Variants in DLGAP1 observed in about 807,000 individuals in gnomAD.
DLGAP1 encodes disks large-associated protein 1.
Under a neutral mutation model 90.8 loss-of-function variants are expected in DLGAP1, and 11 were observed. The ratio of observed to expected loss-of-function variants is 0.12; its 90% CI spans 0.08 to 0.20. DLGAP1 has a LOEUF of 0.20. Among genes scored for constraint, DLGAP1 ranks in the 10% least tolerant of loss-of-function variants. The pLI is 1.00. For missense variants in DLGAP1, 1,050 were observed against 1,333.8 expected (o/e 0.79, Z 3.31); for synonymous variants, 558 against 540.7 (o/e 1.03, Z -0.44).
intron 9 of DLGAP1, among the ~76,000 whole-genome samples, chr18:3,536,240 CT>C (rs2052371768): frequency 1.7e-5 from 1 of 58,012 alleles, no homozygotes; most frequent in African/African-American, 7.6e-5. Flanking sequence ...TTTTTTTTTT[CT>C]GAGACAGAGT....
At chr18:4,188,335 G>C (rs1380432616) in intron 1 of DLGAP1, among the ~76,000 whole-genome samples, 1 of 152,014 alleles carries the variant, frequency 6.6e-6, no homozygotes, top group Non-Finnish European at 1.5e-5. Flanking sequence ...TAAGTTCCGG[G>C]ATACATGTGC....
chr18:4,185,736 G>T (rs1402039334), intron 1 of DLGAP1, among the ~76,000 whole-genome samples: 1 of 152,080 alleles, frequency 6.6e-6, no homozygotes, highest in East Asian at 1.9e-4. Context: ...GAATAGTGCT[G>T]CAATGAACGT....
intron 1 of DLGAP1, among the ~76,000 whole-genome samples, chr18:4,152,211 A>T (rs2076686113): frequency 6.6e-6 from 1 of 152,192 alleles, no homozygotes; most frequent in African/African-American, 2.4e-5. Context: ...TTTGTAAGCA[A>T]TGTATTCTTT....
intron 1 of DLGAP1, among the ~76,000 whole-genome samples, chr18:4,230,314 G>A (rs1302611340): frequency 1.3e-5 from 2 of 151,952 alleles, no homozygotes; most frequent in African/African-American, 4.8e-5. Context: ...TCGTATTATC[G>A]AAGAGATATC....
At chr18:4,064,334 G>A (rs2075340903) in intron 2 of DLGAP1, among the ~76,000 whole-genome samples, 1 of 151,764 alleles carries the variant, frequency 6.6e-6, no homozygotes, top group Admixed American at 6.6e-5. Context: ...ACATTCCAAA[G>A]TTAATTTGAA....
chr18:3,624,847 C>G lies in DLGAP1; in HGVS notation c.1592-42599G>C, dbSNP rs138686205. On this transcript the variant is annotated intron_variant, in intron 7 of 12. Transcript: ENST00000315677. The stretch of plus-strand genomic sequence containing the variant: ...GGGGGAATCTCAAGAGCAAACTAAT[C>G]TAAACTCCAAGAAATAGACCACTAA... 1.9e-4 allele frequency among the ~76,000 whole-genome samples: 29 copies of G among 152,234 alleles called. No homozygotes were observed. The East Asian group carries it at 4.1e-3, about 21-fold the overall frequency.
intron 5 of DLGAP1, among the ~76,000 whole-genome samples, chr18:3,769,560 C>G (rs3909244): frequency 0.5 from 75,615 of 151,930 alleles, 18,970 homozygotes; most frequent in Admixed American, 0.6. Flanking sequence ...TCAGCAACAG[C>G]CTGGATGAAT....
At chr18:4,427,412 T>C (rs542970822) in intron 1 of DLGAP1, among the ~76,000 whole-genome samples, 5 of 152,270 alleles carry the variant, frequency 3.3e-5, no homozygotes, top group African/African-American at 9.6e-5. Flanking sequence ...TTCACCAGCA[T>C]TAGTAAAACA....
chr18:3,581,463 T>G (rs2055505181), intron 8 of DLGAP1, among the ~76,000 whole-genome samples: 1 of 151,908 alleles, frequency 6.6e-6, no homozygotes, highest in Non-Finnish European at 1.5e-5. Context: ...CCAGACCCCT[T>G]GAGAAGGCGC....
At chr18:4,139,125 A>G (rs915525248) in intron 2 of DLGAP1, among the ~76,000 whole-genome samples, 9 of 151,628 alleles carry the variant, frequency 5.9e-5, no homozygotes, top group African/African-American at 2.2e-4. Flanking sequence ...GTTTCAATTT[A>G]TTTCTGCTTT....
chr18:4,419,485 A>G (rs2144669380), intron 1 of DLGAP1, among the ~76,000 whole-genome samples: 1 of 152,344 alleles, frequency 6.6e-6, no homozygotes, highest in African/African-American at 2.4e-5. Flanking sequence ...ACACAAAGAA[A>G]TAAAGAGTGC....
chr18:4,149,674 T>C (rs1025401587), intron 2 of DLGAP1, among the ~76,000 whole-genome samples: 5 of 152,242 alleles, frequency 3.3e-5, no homozygotes, highest in Non-Finnish European at 7.3e-5. Context: ...CATTAAATTC[T>C]CATAGGAGCA....
rs182393835 is a variant in DLGAP1, at chr18:3,496,966, T to C, written c.*2219A>G. 33 of 152,346 alleles carry C rather than the reference T, an allele frequency of 2.2e-4. No homozygotes were observed. Among genetic ancestry groups the C allele is most frequent in the African/African-American group, 7.9e-4 (33 of 41,590 alleles). 9.4% of individuals were successfully genotyped at this position (152,346 alleles called of 1,614,324 possible). The stretch of plus-strand genomic sequence containing the variant: ...GGCCTTCTCTTGTCTCTCTTTAAAA[T>C]ATCATGGGCTAAATTAGTTTCCAAA... On this transcript the variant is annotated 3_prime_UTR_variant, in exon 13 of 13. Transcript: ENST00000315677.
intron 5 of DLGAP1, among the ~76,000 whole-genome samples, chr18:3,796,243 A>G (rs546664860): frequency 3.3e-5 from 5 of 152,314 alleles, no homozygotes; most frequent in Non-Finnish European, 5.9e-5. Flanking sequence ...AATCTTCCAT[A>G]GTGAAGATTT....
intron 7 of DLGAP1, among the ~76,000 whole-genome samples, chr18:3,621,701 T>C (rs556395129): frequency 1.9e-4 from 29 of 152,364 alleles, no homozygotes; most frequent in African/African-American, 7.0e-4. Flanking sequence ...TGAGCTACCC[T>C]GGCTTGGGAG....
chr18:3,908,753 T>C (rs755630157), intron 3 of DLGAP1, among the ~76,000 whole-genome samples: 6 of 152,182 alleles, frequency 3.9e-5, no homozygotes, highest in Non-Finnish European at 2.9e-5. Flanking sequence ...TTTGCACTGA[T>C]TATAATACAT....
intron 1 of DLGAP1, among the ~76,000 whole-genome samples, chr18:4,372,308 C>A (rs1045899551): frequency 6.6e-6 from 1 of 152,186 alleles, no homozygotes; most frequent in African/African-American, 2.4e-5. Context: ...ATTCAACAAG[C>A]CTTTACCTTG....
At chr18:4,426,213 T>C (rs1250375021) in intron 1 of DLGAP1, among the ~76,000 whole-genome samples, 1 of 152,194 alleles carries the variant, frequency 6.6e-6, no homozygotes, top group Non-Finnish European at 1.5e-5. Context: ...GTAGCCCTGC[T>C]ACCCTAACCC....
intron 1 of DLGAP1, among the ~76,000 whole-genome samples, chr18:4,319,663 G>C (rs916926261): frequency 2.0e-5 from 3 of 152,182 alleles, no homozygotes; most frequent in Non-Finnish European, 4.4e-5. Context: ...TCTACTTACT[G>C]TGCCCAGGAT....
Sources: allele counts gnomAD v4.1 joint callset (sites outside exome capture counted in the v4.1 genomes callset), GRCh38; gene constraint gnomAD v4.1.1; transcripts MANE v1.5; gene names NCBI Gene and HGNC (gene_info 2026-07-23, HGNC 2026-07-21).